The following ITGAX variants were observed in gnomAD, a reference collection of about 807,000 sequenced individuals.
ITGAX encodes integrin alpha-X.
A neutral mutation model predicts 140.2 loss-of-function variants in ITGAX; 99 were observed. The ratio of observed to expected loss-of-function variants is 0.71; its 90% CI spans 0.60 to 0.83. ITGAX has a LOEUF of 0.83. ITGAX is among the 40% of genes least tolerant of loss of function. ITGAX has a pLI of 0.00. For missense variants in ITGAX, 1,444 were observed against 1,482.0 expected, an observed-to-expected ratio of 0.97 and a Z score of 0.42; for synonymous variants, 631 against 600.4, an observed-to-expected ratio of 1.05 and a Z score of -0.75.
chr16:31,372,565 C>T (rs367942968), intron 18 of ITGAX, 32 bp from the exon 19 acceptor site: 55 of 1,613,820 alleles, frequency 3.4e-5, no homozygotes, highest in East Asian at 4.5e-5. Context: ...GCCTGGGTCT[C>T]GGAGAAAACC....
chr16:31,367,005 T>C (rs2080899254), intron 14 of ITGAX, among the ~76,000 whole-genome samples: 2 of 152,186 alleles, frequency 1.3e-5, no homozygotes, highest in Non-Finnish European at 2.9e-5. Context: ...TGAAACAGCC[T>C]AATTGCTGAT....
In ITGAX at chr16:31,380,642, G is replaced by C. The variant is rs1463541409; in HGVS notation, c.3276+18G>C. ...GAGCTCAGGTAGAGACCATGTGGAG[G>C]GCAGCGACCAGGCTGGAAAGAGGGC... On this transcript the variant is annotated intron_variant, in intron 28 of 29. Transcript: ENST00000268296. The C allele has an allele frequency of 6.2e-7, 1 of 1,613,966 alleles. No homozygotes were observed. The highest frequency in any genetic ancestry group is 1.1e-5 in the South Asian group (1 of 91,080).
chr16:31,372,302 T>TA, intron 17 of ITGAX, 76 bp from the exon 18 acceptor site: 1 of 1,530,782 alleles, frequency 6.5e-7, no homozygotes, highest in Non-Finnish European at 8.7e-7. Flanking sequence ...AGAGGCAGGA[T>TA]AAGAACTGCG....
At chr16:31,360,189 T>C in intron 7 of ITGAX, 121 bp from the exon 8 acceptor site, 1 of 1,509,824 alleles carries the variant, frequency 6.6e-7, no homozygotes, top group Non-Finnish European at 8.9e-7. Context: ...CTTGCCAAGC[T>C]GGGGCCTCTG....
At chr16:31,376,678 T>C in intron 20 of ITGAX, 121 bp from the exon 21 acceptor site, 1 of 866,926 alleles carries the variant, frequency 1.2e-6, no homozygotes, top group South Asian at 1.6e-5. Context: ...CCAGGAAGCT[T>C]TATCACTACT....
chr16:31,371,421 G>A lies in ITGAX; in HGVS notation c.1929G>A (p.Val643=). The change falls in exon 16 of 30, where the codon GTG becomes GTA. Residue 643 remains valine (V), a synonymous_variant. Coordinates refer to ENST00000268296, the MANE Select transcript of ITGAX (RefSeq NM_000887.5). The part of the protein sequence containing the change: ...PRSAFECREQ[V]VSEQTLVQSN... ...CTGCGTTTGAGTGTCGGGAGCAGGT[G>A]GTCTCTGAGCAGACCCTGGTACAGT... 1 of 1,614,184 alleles carries A rather than the reference G, an allele frequency of 6.2e-7. No individual in the cohort carries two copies. The highest frequency in any genetic ancestry group is 1.6e-4 in the Middle Eastern group (1 of 6,062).
rs1301269329 is a variant in ITGAX at position 31,377,067 on chromosome 16, C to T, written c.2693C>T (p.Ala898Val). The T allele has an allele frequency of 1.9e-6, 3 of 1,614,188 alleles. No homozygotes were observed. The highest frequency in any genetic ancestry group is 2.5e-6 in the Non-Finnish European group (3 of 1,180,024). Reference sequence around the variant, plus strand: ...CTGGGAGACCGGCTGCTTCTGACAGCCAATGTGAGCAGGTGAGCCGGGCCA... The same window carrying T: ...CTGGGAGACCGGCTGCTTCTGACAGTCAATGTGAGCAGGTGAGCCGGGCCA... ...AVLGDRLLLT[A>V]NVSSENNTPR... Residue 898 changes from alanine (A) to valine (V), a missense_variant, in exon 22 of 30, where the codon GCC becomes GTC. Physicochemically the swap from Ala to Val is moderately conservative, Grantham distance 64. Coordinates refer to ENST00000268296, the MANE Select transcript of ITGAX (RefSeq NM_000887.5).
At chr16:31,361,304 G>A (rs2142489997) in intron 9 of ITGAX, 91 bp downstream of exon 9, 1 of 1,379,286 alleles carries the variant, frequency 7.3e-7, no homozygotes, top group South Asian at 1.3e-5. Context: ...CAGGTAGACA[G>A]CGTCTCGGTT....
chr16:31,374,628 G>T (rs184444341), intron 20 of ITGAX, among the ~76,000 whole-genome samples: 345 of 152,210 alleles, frequency 2.3e-3, no homozygotes, highest in Non-Finnish European at 3.7e-3. Flanking sequence ...TTTTTGTAGA[G>T]TTGGGGTCTT....
Position 31,381,979 on chromosome 16 carries a change from G to GTTTGTTAATGAT in ITGAX, c.*72_*73insTTTGTTAATGAT. 1 of 1,491,604 alleles carries GTTTGTTAATGAT rather than the reference G, an allele frequency of 6.7e-7. No homozygotes were observed. Among genetic ancestry groups the GTTTGTTAATGAT allele is most frequent in the Non-Finnish European group, 9.2e-7 (1 of 1,089,666 alleles). 92.4% of individuals were successfully genotyped at this position (1,491,604 alleles called of 1,614,324 possible). On this transcript the variant is annotated 3_prime_UTR_variant, in exon 30 of 30. Transcript: ENST00000268296. ...TTACTTACCCTCACCTGTCAGGCCT[G>GTTTGTTAATGAT]ACGGGGAGGAACCACTGCACCACCG...
chr16:31,381,753 C>G (rs2081070407), intron 29 of ITGAX, 50 bp from the exon 30 acceptor site: 1 of 863,630 alleles, frequency 1.2e-6, no homozygotes, highest in Non-Finnish European at 2.0e-6. Flanking sequence ...CTCTTTTCCT[C>G]TCTTCCACTG....
Position 31,380,886 on chromosome 16 carries a change from T to C in ITGAX, c.3277-11T>C, listed in dbSNP as rs201489553. 1.8e-4 allele frequency: 291 copies of C among 1,612,112 alleles called. 2 individuals are homozygous for C. In the African/African-American group the frequency reaches 2.9e-3, roughly 16 times the overall value. On this transcript the variant is annotated splice_polypyrimidine_tract_variant and intron_variant, in intron 28 of 29. Coordinates refer to ENST00000268296, the MANE Select transcript of ITGAX (RefSeq NM_000887.5). Reference sequence around the variant, plus strand: ...GATGGGAGTGCTCTGACAGGGTCACTTCCACTTCAGACGACAACGGTGCTG... The same window carrying C: ...GATGGGAGTGCTCTGACAGGGTCACCTCCACTTCAGACGACAACGGTGCTG...
intron 21 of ITGAX, 31 bp from the exon 22 acceptor site, chr16:31,376,969 G>A: frequency 6.2e-7 from 1 of 1,613,744 alleles, no homozygotes; most frequent in Non-Finnish European, 8.5e-7. Context: ...TGTCTTTACT[G>A]CTCTGTGACC....
chr16:31,373,103 AGAAG>A (rs2080987255), intron 19 of ITGAX, 142 bp from the exon 20 acceptor site: 2 of 91,370 alleles, frequency 2.2e-5, no homozygotes, highest in African/African-American at 3.3e-4. Flanking sequence ...TTAAAAAAAA[AGAAG>A]AAGAAGAAGA....
At position 31,377,198 on chromosome 16, in the gene ITGAX, A is replaced by G. The variant is rs1384901037; in HGVS notation, c.2722A>G (p.Arg908Gly). ...TTTCTCCAGTGAGAACAACACTCCCAGGACCAGCAAGACCACCTTCCAGCT... is the reference window on the plus strand; with the variant it reads ...TTTCTCCAGTGAGAACAACACTCCCGGGACCAGCAAGACCACCTTCCAGCT... ...ANVSSENNTPRTSKTTFQLEL... is the reference protein window; with the variant it reads ...ANVSSENNTPGTSKTTFQLEL... Residue 908 changes from arginine (R) to glycine (G), a missense_variant, in exon 23 of 30, where the codon AGG (arginine) becomes GGG (glycine). By Grantham distance (125) the Arg-to-Gly change is moderately radical. Transcript: ENST00000268296. 6.2e-6 allele frequency: 10 copies of G among 1,613,986 alleles called. No homozygotes were observed. Among genetic ancestry groups the G allele is most frequent in the Non-Finnish European group, 8.5e-6 (10 of 1,179,940 alleles).
At chr16:31,379,465 A>T in intron 23 of ITGAX, 103 bp from the exon 24 acceptor site, 2 of 1,145,276 alleles carry the variant, frequency 1.7e-6, no homozygotes, top group South Asian at 2.8e-5. Flanking sequence ...ATTCCAGGAC[A>T]TTCCAAGGCC....
Position 31,371,542 on chromosome 16 carries a change from T to C in ITGAX, c.2005+45T>C, listed in dbSNP as rs771410767. On this transcript the variant is annotated intron_variant, in intron 16 of 29. Coordinates refer to ENST00000268296, the MANE Select transcript of ITGAX (RefSeq NM_000887.5). ...ACCCAGGACACCCTGACCTCTGGAGTCCCCCATCCCAGGCCCCTGTCTCCC... is the reference window on the plus strand; with the variant it reads ...ACCCAGGACACCCTGACCTCTGGAGCCCCCCATCCCAGGCCCCTGTCTCCC... The C allele has an allele frequency of 6.2e-6, 10 of 1,608,676 alleles. No homozygotes were observed. The Admixed American group carries it at 1.2e-4, about 19-fold the overall frequency.
rs374910232 is a variant in ITGAX at position 31,363,036 on chromosome 16, C to A, written c.1461C>A (p.Thr487=). ...GGGCCCCCCATTACTACGAGCAGAC[C>A]CGAGGGGGCCAGGTGTCTGTGTGTC... is the stretch of plus-strand genomic sequence containing the variant. ...LIGAPHYYEQ[T]RGGQVSVCPL... is the part of the protein sequence containing the mutation. Residue 487 remains threonine, a synonymous_variant, in exon 13 of 30, where the codon ACC becomes ACA. Transcript: ENST00000268296. 3 of 1,611,724 alleles carry A rather than the reference C, an allele frequency of 1.9e-6. No individual in the cohort carries two copies. In the South Asian group the frequency reaches 3.3e-5, roughly 18 times the overall value.
chr16:31,360,929 G>A (rs12929377), intron 8 of ITGAX, 134 bp from the exon 9 acceptor site: 262 of 825,486 alleles, frequency 3.2e-4, no homozygotes, highest in Admixed American at 7.4e-4. Flanking sequence ...GATGCTGTCC[G>A]GGCTTCGTGT....
Sources: gnomAD v4.1 joint callset for allele counts (sites outside exome capture counted in the v4.1 genomes callset) on GRCh38, gnomAD v4.1.1 for gene constraint, MANE v1.5 for transcripts, NCBI Gene and HGNC (gene_info 2026-07-23, HGNC 2026-07-21) for gene names.